The following GMDS variants were observed in gnomAD, a reference collection of about 807,000 sequenced individuals.
GMDS encodes the protein GDP-mannose 4,6 dehydratase.
A neutral mutation model predicts 49.9 loss-of-function variants in GMDS; 20 were observed. The observed-to-expected ratio is 0.40, with a 90% CI of 0.28 to 0.58. GMDS has a LOEUF of 0.58. Among genes scored for constraint, GMDS ranks in the 20% least tolerant of loss-of-function variants. The pLI, the probability that GMDS is intolerant of heterozygous loss-of-function variation, is 0.42. For synonymous variants in GMDS, 177 were observed against 178.6 expected, an observed-to-expected ratio of 0.99 and a Z score of 0.07; for missense variants, 362 against 481.4, an observed-to-expected ratio of 0.75 and a Z score of 2.32.
At chr6:1,670,843 T>C (rs1243885218) in intron 9 of GMDS, among the ~76,000 whole-genome samples, 1 of 152,202 alleles carries the variant, frequency 6.6e-6, no homozygotes, top group African/African-American at 2.4e-5. Context: ...AGTACGTTTT[T>C]AAAAAATGCA....
intron 10 of GMDS, 40 bp downstream of exon 10, chr6:1,624,432 G>T: frequency 6.4e-7 from 1 of 1,566,040 alleles, no homozygotes; most frequent in Non-Finnish European, 8.8e-7. Flanking sequence ...TGCAGCCCGG[G>T]GCCCCGCAGC....
At chr6:1,774,919 G>A (rs1016903198) in intron 7 of GMDS, among the ~76,000 whole-genome samples, 2 of 152,158 alleles carry the variant, frequency 1.3e-5, no homozygotes, top group East Asian at 1.9e-4. Flanking sequence ...GCTGACTAGC[G>A]AGGAATGTCC....
At chr6:1,917,863 A>G (rs1295808830) in intron 7 of GMDS, among the ~76,000 whole-genome samples, 1 of 152,180 alleles carries the variant, frequency 6.6e-6, no homozygotes, top group East Asian at 1.9e-4. Context: ...AAGCTGGAGG[A>G]CGGACCCAAG....
intron 1 of GMDS, among the ~76,000 whole-genome samples, chr6:2,195,182 T>G (rs1208997749): frequency 3.3e-5 from 5 of 152,178 alleles, no homozygotes; most frequent in Non-Finnish European, 7.3e-5. Context: ...AAAAACGGAT[T>G]TGAATTTCAC....
chr6:2,013,057 A>G (rs1767657886), intron 4 of GMDS, among the ~76,000 whole-genome samples: 1 of 152,210 alleles, frequency 6.6e-6, no homozygotes, highest in East Asian at 1.9e-4. Flanking sequence ...AAAAACTGCT[A>G]AGAAACAATT....
At chr6:1,963,555 A>C (rs1764092629) in intron 4 of GMDS, among the ~76,000 whole-genome samples, 3 of 152,184 alleles carry the variant, frequency 2.0e-5, no homozygotes, top group Admixed American at 1.3e-4. Flanking sequence ...ATTTTGAGTT[A>C]AATTTTGTGT....
chr6:1,735,675 G>C (rs1159739201), intron 8 of GMDS, among the ~76,000 whole-genome samples: 1 of 152,080 alleles, frequency 6.6e-6, no homozygotes, highest in African/African-American at 2.4e-5. Flanking sequence ...CACCCACCTG[G>C]AATGTCTTCC....
intron 4 of GMDS, among the ~76,000 whole-genome samples, chr6:2,057,537 C>G (rs1458800560): frequency 6.6e-6 from 1 of 152,124 alleles, no homozygotes; most frequent in South Asian, 2.1e-4. Flanking sequence ...CCACTCTTGC[C>G]AAGAAATTAA....
At chr6:1,718,851 T>C (rs1466875501) in intron 9 of GMDS, among the ~76,000 whole-genome samples, 1 of 151,856 alleles carries the variant, frequency 6.6e-6, no homozygotes, top group African/African-American at 2.4e-5. Flanking sequence ...ATCAGAATTA[T>C]ATTTTAAATG....
intron 6 of GMDS, among the ~76,000 whole-genome samples, chr6:1,947,649 G>A (rs1213198299): frequency 6.6e-6 from 1 of 152,162 alleles, no homozygotes; most frequent in African/African-American, 2.4e-5. Flanking sequence ...GAAGGCAGAC[G>A]CAAACCTTCT....
intron 4 of GMDS, among the ~76,000 whole-genome samples, chr6:2,059,430 C>T (rs1250928525): frequency 2.6e-5 from 4 of 151,532 alleles, no homozygotes; most frequent in Admixed American, 2.0e-4. Context: ...CACTACTGGC[C>T]GGGCGCGGTG....
chr6:2,146,025 A>G (rs995666454), intron 1 of GMDS, among the ~76,000 whole-genome samples: 5 of 152,260 alleles, frequency 3.3e-5, no homozygotes, highest in African/African-American at 1.2e-4. Context: ...AAGACAAAAC[A>G]TAAGTCACCA....
chr6:2,231,263 A>G (rs1221148984), intron 1 of GMDS, among the ~76,000 whole-genome samples: 2 of 152,096 alleles, frequency 1.3e-5, no homozygotes, highest in Admixed American at 6.6e-5. Flanking sequence ...GTGAGGTATG[A>G]AAAGTGCCCA....
chr6:1,638,517 C>G (rs1452614274), intron 9 of GMDS, among the ~76,000 whole-genome samples: 3 of 149,166 alleles, frequency 2.0e-5, no homozygotes, highest in Admixed American at 6.7e-5. Flanking sequence ...CCCCACCCCC[C>G]CAACCCCCGA....
At chr6:1,832,180 CAGG>C (rs1756678089) in intron 7 of GMDS, among the ~76,000 whole-genome samples, 1 of 151,012 alleles carries the variant, frequency 6.6e-6, no homozygotes. Flanking sequence ...CGAAGTTGTT[CAGG>C]AGTTTGAGAC....
Position 1,960,919 on chromosome 6 carries a change from G to A in GMDS, c.393C>T (p.Gly131=), listed in dbSNP as rs773734894. The change falls in exon 5 of 11, where the codon GGC becomes GGT. Residue 131 remains glycine, a synonymous_variant. Coordinates refer to ENST00000380815, the MANE Select transcript of GMDS (RefSeq NM_001500.4). ...AEYTADVDGV[G]TLRLLDAVKT... ...TAACTGCATCTAGAAGTCGTAGAGT[G>A]CCAACTCCGTCAACGTCCGCAGTGT... The A allele has an allele frequency of 2.6e-5, 41 of 1,598,588 alleles. No homozygotes were observed. Among genetic ancestry groups the A allele is most frequent in the Non-Finnish European group, 3.4e-5 (40 of 1,168,188 alleles).
chr6:1,971,595 T>C (rs1207085283), intron 4 of GMDS, among the ~76,000 whole-genome samples: 1 of 152,128 alleles, frequency 6.6e-6, no homozygotes, highest in Non-Finnish European at 1.5e-5. Context: ...ATCAGAACAC[T>C]GATTACACAT....
intron 7 of GMDS, among the ~76,000 whole-genome samples, chr6:1,927,668 G>A (rs960814775): frequency 6.6e-6 from 1 of 152,188 alleles, no homozygotes; most frequent in African/African-American, 2.4e-5. Context: ...GCCCAGATGT[G>A]GACTACACTC....
chr6:1,942,181 T>C (rs1218743489), intron 6 of GMDS, among the ~76,000 whole-genome samples: 1 of 152,226 alleles, frequency 6.6e-6, no homozygotes, highest in Non-Finnish European at 1.5e-5. Flanking sequence ...TGGCCCTGCA[T>C]GGTGAATGGT....
Sources: gnomAD v4.1 joint callset for allele counts (sites outside exome capture counted in the v4.1 genomes callset) on GRCh38, gnomAD v4.1.1 for gene constraint, MANE v1.5 for transcripts, NCBI Gene and HGNC (gene_info 2026-07-23, HGNC 2026-07-21) for gene names.